Variants in ADGRL2 observed in about 807,000 individuals in gnomAD.
ADGRL2 encodes adhesion G protein-coupled receptor L2, also known as calcium-independent alpha-latrotoxin receptor 2.
A neutral mutation model predicts 157.4 loss-of-function variants in ADGRL2; 44 were observed. That is an observed-to-expected ratio of 0.28 (90% CI 0.22 to 0.36). The LOEUF is 0.36. Ranked by LOEUF, ADGRL2 falls within the 10% of genes least tolerant of loss-of-function variation. The pLI is 1.00. For synonymous variants in ADGRL2, 585 were observed against 624.7 expected, an observed-to-expected ratio of 0.94 and a Z score of 0.95; for missense variants, 1,510 against 1,768.9, an observed-to-expected ratio of 0.85 and a Z score of 2.63.
At chr1:81,430,253 T>C (rs939912604) in intron 1 of ADGRL2, among the ~76,000 whole-genome samples, 14 of 152,178 alleles carry the variant, frequency 9.2e-5, no homozygotes, top group Admixed American at 5.2e-4. Context: ...GATGGCAATG[T>C]AGTAGCAAGT....
Position 81,993,616 on chromosome 1 carries a change from T to C in ADGRL2, c.*2471T>C, listed in dbSNP as rs1470404540. ...CAAAAGAAAAGTCATTTTTAAAGCA[T>C]TTCTTTTCAAAAATATATAAATATT... On this transcript the variant is annotated 3_prime_UTR_variant, in exon 24 of 24. Coordinates refer to ENST00000686636, the MANE Select transcript of ADGRL2 (RefSeq NM_001366006.2). 6.6e-6 allele frequency among the ~76,000 whole-genome samples: 1 copy of C among 152,182 alleles called. No homozygotes were observed. The highest frequency in any genetic ancestry group is 1.9e-4 in the East Asian group (1 of 5,192).
At chr1:81,365,228 G>A (rs1025614831) in intron 1 of ADGRL2, among the ~76,000 whole-genome samples, 5 of 152,180 alleles carry the variant, frequency 3.3e-5, no homozygotes, top group Admixed American at 3.3e-4. Flanking sequence ...GAGGCTAGAA[G>A]TCAGGAATTG....
intron 1 of ADGRL2, among the ~76,000 whole-genome samples, chr1:81,402,371 C>T (rs1334104829): frequency 6.6e-6 from 1 of 152,072 alleles, no homozygotes; most frequent in African/African-American, 2.4e-5. Context: ...AAAGTGCTTC[C>T]GTGATTAATC....
chr1:81,495,149 T>A (rs890214759), intron 2 of ADGRL2, among the ~76,000 whole-genome samples: 2 of 152,062 alleles, frequency 1.3e-5, no homozygotes, highest in Non-Finnish European at 2.9e-5. Context: ...CACAGAGGAA[T>A]AACGATTCAG....
At chr1:81,768,181 G>A (rs903121938) in intron 2 of ADGRL2, among the ~76,000 whole-genome samples, 4 of 151,766 alleles carry the variant, frequency 2.6e-5, no homozygotes, top group Non-Finnish European at 5.9e-5. Context: ...GAGTAACTAC[G>A]ACTACAGACT....
chr1:81,319,401 C>T (rs1475184042), intron 1 of ADGRL2, among the ~76,000 whole-genome samples: 1 of 152,068 alleles, frequency 6.6e-6, no homozygotes, highest in Non-Finnish European at 1.5e-5. Context: ...ATCTTAAATA[C>T]AAACCGAGAT....
rs569969376 is a variant in ADGRL2, at chr1:81,941,454, A to G, written c.398-580A>G. On this transcript the variant is annotated intron_variant, in intron 4 of 23. Coordinates refer to ENST00000686636, the MANE Select transcript of ADGRL2 (RefSeq NM_001366006.2). ...AAACAATTGAAACATACTGGGATGCATAATTATATATTTCTTCTTAGTAAA... is the reference window on the plus strand; with the variant it reads ...AAACAATTGAAACATACTGGGATGCGTAATTATATATTTCTTCTTAGTAAA... Among the ~76,000 whole-genome samples, 267 of 151,824 alleles carry G rather than the reference A, an allele frequency of 1.8e-3. 1 individual carries two copies. The highest frequency in any genetic ancestry group is 3.2e-3 in the Non-Finnish European group (216 of 67,760).
At chr1:81,511,565 CT>C (rs2079078294) in intron 2 of ADGRL2, among the ~76,000 whole-genome samples, 1 of 151,988 alleles carries the variant, frequency 6.6e-6, no homozygotes, top group Non-Finnish European at 1.5e-5. Flanking sequence ...TAACTTGCAC[CT>C]TTATTTTCTT....
At chr1:81,594,501 GA>G (rs1303436211) in intron 3 of ADGRL2, among the ~76,000 whole-genome samples, 3 of 152,094 alleles carry the variant, frequency 2.0e-5, no homozygotes, top group African/African-American at 4.8e-5. Flanking sequence ...TTATTATAAG[GA>G]AAAGTTAAGT....
At chr1:81,830,134 A>G (rs995452015) in intron 1 of ADGRL2, among the ~76,000 whole-genome samples, 2 of 152,218 alleles carry the variant, frequency 1.3e-5, no homozygotes, top group Non-Finnish European at 2.9e-5. Context: ...TCATAAGATT[A>G]TTAATTTCTT....
chr1:81,580,625 G>T (rs1396249929), intron 2 of ADGRL2, among the ~76,000 whole-genome samples: 1 of 152,028 alleles, frequency 6.6e-6, no homozygotes, highest in East Asian at 1.9e-4. Context: ...AATTTAAATG[G>T]CTTACAGACA....
intron 23 of ADGRL2, chr1:81,989,952 T>C (rs1207618463): frequency 1.0e-6 from 1 of 985,228 alleles, no homozygotes; most frequent in Non-Finnish European, 1.2e-6. Flanking sequence ...TGTGACTTAC[T>C]CCTTTTTAAT....
chr1:81,882,437 C>A (rs2094012053), intron 2 of ADGRL2, among the ~76,000 whole-genome samples: 1 of 152,086 alleles, frequency 6.6e-6, no homozygotes, highest in Non-Finnish European at 1.5e-5. Context: ...CTGCTTTCTG[C>A]AAACTGTGTC....
At chr1:81,508,918 A>T (rs1359442297) in intron 2 of ADGRL2, among the ~76,000 whole-genome samples, 2 of 152,236 alleles carry the variant, frequency 1.3e-5, no homozygotes, top group South Asian at 2.1e-4. Context: ...GAAAGTCCCC[A>T]GCCCATGTGA....
intron 3 of ADGRL2, among the ~76,000 whole-genome samples, chr1:81,655,988 A>G (rs1321640939): frequency 6.6e-6 from 1 of 151,876 alleles, no homozygotes; most frequent in Non-Finnish European, 1.5e-5. Context: ...GAATGGGTGA[A>G]TCTCTCCTTC....
intron 2 of ADGRL2, among the ~76,000 whole-genome samples, chr1:81,572,365 G>T (rs940597015): frequency 2.6e-5 from 4 of 152,170 alleles, no homozygotes; most frequent in Admixed American, 2.6e-4. Context: ...CCTACAATGT[G>T]CCAAGCACTA....
chr1:81,469,256 G>GT (rs1288821095), intron 2 of ADGRL2, among the ~76,000 whole-genome samples: 4 of 152,104 alleles, frequency 2.6e-5, no homozygotes, highest in Admixed American at 2.6e-4. Flanking sequence ...TTCTGCCTCT[G>GT]TTTTTTCTAA....
At chr1:81,813,169 CTT>C (rs981248704) in intron 1 of ADGRL2, among the ~76,000 whole-genome samples, 4 of 151,466 alleles carry the variant, frequency 2.6e-5, no homozygotes, top group African/African-American at 9.7e-5. Flanking sequence ...CAATTCCAGT[CTT>C]TTCATTTTTC....
chr1:81,356,862 A>C (rs1331304084), intron 1 of ADGRL2, among the ~76,000 whole-genome samples: 1 of 146,088 alleles, frequency 6.8e-6, no homozygotes, highest in Non-Finnish European at 1.5e-5. Flanking sequence ...CTGAGGCAGG[A>C]GAATGGCGTG....
Sources: allele counts gnomAD v4.1 joint callset (sites outside exome capture counted in the v4.1 genomes callset), GRCh38; gene constraint gnomAD v4.1.1; transcripts MANE v1.5; gene names NCBI Gene and HGNC (gene_info 2026-07-23, HGNC 2026-07-21).